Variants in RANBP2 observed in about 807,000 individuals in gnomAD.
RANBP2 encodes the protein RAN binding protein 2, also known as E3 SUMO-protein ligase RanBP2.
Under a neutral mutation model 303.6 loss-of-function variants are expected in RANBP2, and 57 were observed. The ratio of observed to expected loss-of-function variants is 0.19; its 90% confidence interval spans 0.15 to 0.23. The LOEUF (loss-of-function observed/expected upper bound fraction) is 0.23, where lower values mean the gene tolerates loss of function less well. RANBP2 is among the 10% of genes least tolerant of loss of function. The pLI is 1.00. For synonymous variants in RANBP2, 1,167 were observed against 1,301.5 expected, an observed-to-expected ratio of 0.90 and a Z score of 2.23; for missense variants, 3,138 against 3,780.8, an observed-to-expected ratio of 0.83 and a Z score of 4.46.
chr2:109,305,438 G>T, the RANBP2 span, among the ~76,000 whole-genome samples: 1 of 152,118 alleles, frequency 6.6e-6, no homozygotes, highest in Non-Finnish European at 1.5e-5. Flanking sequence ...CTATTTCCCT[G>T]TCTCCAGCCC....
At chr2:109,548,687 A>G in the RANBP2 span, among the ~76,000 whole-genome samples, 1 of 143,646 alleles carries the variant, frequency 7.0e-6, no homozygotes, top group African/African-American at 2.5e-5. Flanking sequence ...GAGACAGGAG[A>G]ATTGCCTGAA....
the RANBP2 span, chr2:109,614,931 C>G: frequency 6.6e-7 from 1 of 1,507,358 alleles, no homozygotes; most frequent in Non-Finnish European, 8.8e-7. Context: ...CTGGCCGCCC[C>G]TGAGCGCCGG....
At chr2:109,726,282 C>T in the RANBP2 span, among the ~76,000 whole-genome samples, 3 of 151,884 alleles carry the variant, frequency 2.0e-5, no homozygotes, top group East Asian at 2.0e-4. Context: ...GTGGCTTGCA[C>T]GCCGGTAGTC....
the RANBP2 span, among the ~76,000 whole-genome samples, chr2:109,112,603 A>T: frequency 6.6e-6 from 1 of 151,132 alleles, no homozygotes; most frequent in African/African-American, 2.4e-5. Context: ...CTCTGATGGT[A>T]GTTTCTTTTG....
chr2:109,727,366 T>C, the RANBP2 span, among the ~76,000 whole-genome samples: 1 of 152,224 alleles, frequency 6.6e-6, no homozygotes, highest in African/African-American at 2.4e-5. Flanking sequence ...TTATCTTTCC[T>C]ATTTTTCAGA....
At chr2:109,732,862 T>G in the RANBP2 span, 1 of 1,290,454 alleles carries the variant, frequency 7.7e-7, no homozygotes, top group Non-Finnish European at 1.1e-6. Context: ...AATTTGAAGA[T>G]CCCCGAGATG....
the RANBP2 span, among the ~76,000 whole-genome samples, chr2:108,969,046 T>C: frequency 1.3e-5 from 2 of 152,186 alleles, no homozygotes; most frequent in Admixed American, 6.5e-5. Context: ...GGATCCCTCA[T>C]TAAGGAGCTG....
the RANBP2 span, among the ~76,000 whole-genome samples, chr2:109,721,231 C>T: frequency 6.6e-6 from 1 of 152,216 alleles, no homozygotes; most frequent in South Asian, 2.1e-4. Context: ...CTTTTGTGTA[C>T]ACGCTGCGGC....
chr2:108,866,263 T>C, the RANBP2 span, among the ~76,000 whole-genome samples: 3 of 152,222 alleles, frequency 2.0e-5, no homozygotes, highest in Admixed American at 1.3e-4. Flanking sequence ...ATAAGGATAC[T>C]TGTGATTGTA....
the RANBP2 span, among the ~76,000 whole-genome samples, chr2:109,210,350 A>T: frequency 0.016 from 2,384 of 152,300 alleles, 80 homozygotes; most frequent in African/African-American, 0.053. Context: ...TTTTAATGTC[A>T]CTGATCTGTG....
the RANBP2 span, chr2:109,615,341 G>C: frequency 4.3e-6 from 7 of 1,612,182 alleles, no homozygotes; most frequent in African/African-American, 8.0e-5. Context: ...ACAGCCTGGA[G>C]GGCTTGCTCA....
chr2:109,126,115 G>C, the RANBP2 span, among the ~76,000 whole-genome samples: 4 of 152,244 alleles, frequency 2.6e-5, no homozygotes, highest in African/African-American at 4.8e-5. Context: ...GAAGGGTGCA[G>C]ACAAAGCTCA....
the RANBP2 span, among the ~76,000 whole-genome samples, chr2:109,428,955 C>T: frequency 5.9e-5 from 9 of 152,290 alleles, no homozygotes; most frequent in South Asian, 2.1e-4. Flanking sequence ...AAGACTGGCT[C>T]GCCACTGAGT....
chr2:108,727,570 C>T (rs1474009347), intron 1 of RANBP2, among the ~76,000 whole-genome samples: 2 of 148,676 alleles, frequency 1.3e-5, no homozygotes, highest in African/African-American at 2.5e-5. Flanking sequence ...TACTCTTTAT[C>T]ACATGGATGG....
the RANBP2 span, among the ~76,000 whole-genome samples, chr2:108,999,750 T>A: frequency 1.6e-4 from 25 of 152,312 alleles, no homozygotes; most frequent in East Asian, 2.1e-3. Context: ...AGTAGTTTTT[T>A]AAAAAATTAC....
the RANBP2 span, among the ~76,000 whole-genome samples, chr2:109,724,499 C>T: frequency 6.6e-6 from 1 of 152,086 alleles, no homozygotes; most frequent in East Asian, 1.9e-4. Flanking sequence ...TCTTATTGGA[C>T]ACAGTTATTT....
chr2:109,388,847 G>T, the RANBP2 span, among the ~76,000 whole-genome samples: 1 of 152,124 alleles, frequency 6.6e-6, no homozygotes, highest in African/African-American at 2.4e-5. Flanking sequence ...GAGAGAAGGG[G>T]GTATAGAGAC....
chr2:109,598,360 G>A, the RANBP2 span, among the ~76,000 whole-genome samples: 2 of 151,956 alleles, frequency 1.3e-5, no homozygotes, highest in South Asian at 2.1e-4. Flanking sequence ...GAGCCACTGC[G>A]CCCGGCCCTA....
chr2:108,827,593 G>T, the RANBP2 span, among the ~76,000 whole-genome samples: 1 of 150,090 alleles, frequency 6.7e-6, no homozygotes, highest in East Asian at 1.9e-4. Context: ...AAGGTGGGCG[G>T]ATCACGAGGT....
Sources: allele counts gnomAD v4.1 joint callset (sites outside exome capture counted in the v4.1 genomes callset), GRCh38; gene constraint gnomAD v4.1.1; transcripts MANE v1.5; gene names NCBI Gene and HGNC (gene_info 2026-07-23, HGNC 2026-07-21).